Variants in DACH2 observed in about 807,000 individuals in gnomAD.
DACH2 encodes the protein dachshund family transcription factor 2.
DACH2 carries 17 observed loss-of-function variants against 35.8 expected under a neutral mutation model. That is an observed-to-expected ratio of 0.48 (90% CI 0.33 to 0.71). The LOEUF (loss-of-function observed/expected upper bound fraction) is 0.71, where lower values mean the gene tolerates loss of function less well. DACH2 is among the 30% of genes least tolerant of loss of function. The pLI is 0.02. For synonymous variants in DACH2, 195 were observed against 177.3 expected (o/e 1.10, Z -0.79); for missense variants, 469 against 472.7 (o/e 0.99, Z 0.07).
intron 6 of DACH2, among the ~76,000 whole-genome samples, chrX:86,733,861 T>G (rs1035725552): frequency 3.6e-5 from 4 of 111,220 alleles, no homozygotes; most frequent in Admixed American, 1.9e-4. Flanking sequence ...ACAGAGGTTT[T>G]TGTGTGATAA....
chrX:86,487,271 A>G (rs1424783789), intron 2 of DACH2, among the ~76,000 whole-genome samples: 1 of 111,780 alleles, frequency 8.9e-6, no homozygotes, highest in African/African-American at 3.3e-5. Flanking sequence ...GGTTGTAGTC[A>G]TTTCAACGCT....
Position 86,421,865 on chromosome X carries a change from G to T in DACH2, c.527+45003G>T, listed in dbSNP as rs182066072. 4.0e-3 allele frequency among the ~76,000 whole-genome samples: 443 copies of T among 110,682 alleles called. 3 individuals carry two copies. The highest frequency in any genetic ancestry group is 0.014 in the African/African-American group (419 of 30,611). On this transcript the variant is annotated intron_variant, in intron 2 of 11. Coordinates refer to ENST00000373125, the MANE Select transcript of DACH2 (RefSeq NM_053281.3). ...ACCATTTGTATTGGCAACAAGACCT[G>T]CTTAGTCATACAGGATAACATTTAT...
chrX:86,832,094 T>A lies in DACH2; in HGVS notation c.1751-12T>A. 5.5e-6 allele frequency: 6 copies of A among 1,084,590 alleles called. No individual in the cohort carries two copies. Among genetic ancestry groups the A allele is most frequent in the Non-Finnish European group, 7.5e-6 (6 of 796,322 alleles). The allele number at this position is 1,084,590 out of a possible 1,213,427, so 89.4% of individuals were successfully genotyped here. ...TCTTCATAAGAACTAACTTGTTTTCTTTTTTTTTAAGGAGGTAACTATTAC... is the reference window on the plus strand; with the variant it reads ...TCTTCATAAGAACTAACTTGTTTTCATTTTTTTTAAGGAGGTAACTATTAC... On this transcript the variant is annotated splice_polypyrimidine_tract_variant and intron_variant, in intron 11 of 11. Transcript: ENST00000373125.
At chrX:86,692,362 C>T (rs1261084569) in intron 4 of DACH2, among the ~76,000 whole-genome samples, 4 of 110,839 alleles carry the variant, frequency 3.6e-5, no homozygotes, top group African/African-American at 6.6e-5. Context: ...TACCCCTCCC[C>T]CCTCCACCCG....
At chrX:86,325,936 T>G (rs2035105938) in intron 1 of DACH2, among the ~76,000 whole-genome samples, 1 of 111,407 alleles carries the variant, frequency 9.0e-6, no homozygotes, top group Non-Finnish European at 1.9e-5. Flanking sequence ...CTCAGGATTT[T>G]TTTTTTTATT....
chrX:86,320,863 G>T (rs1021526430), intron 1 of DACH2, among the ~76,000 whole-genome samples: 4 of 112,208 alleles, frequency 3.6e-5, no homozygotes, highest in African/African-American at 6.5e-5. Flanking sequence ...GCTTTAGCTG[G>T]TTAAAGGCTT....
At chrX:86,194,609 C>T (rs1219435898) in intron 1 of DACH2, among the ~76,000 whole-genome samples, 3 of 112,529 alleles carry the variant, frequency 2.7e-5, no homozygotes, top group Non-Finnish European at 3.8e-5. Flanking sequence ...CTGCTCTTGC[C>T]ATGGACCTCT....
chrX:86,247,971 G>T (rs187058161), intron 1 of DACH2, among the ~76,000 whole-genome samples: 4 of 110,539 alleles, frequency 3.6e-5, no homozygotes, highest in African/African-American at 9.8e-5. Flanking sequence ...TGCAGAAAAG[G>T]TTTTCAATAA....
intron 6 of DACH2, among the ~76,000 whole-genome samples, chrX:86,721,216 TA>T (rs1371592264): frequency 8.9e-6 from 1 of 112,465 alleles, no homozygotes; most frequent in Non-Finnish European, 1.9e-5. Context: ...TATGCAAGTT[TA>T]TGCAGCTGGC....
chrX:86,600,995 T>A (rs2148358574), intron 3 of DACH2, among the ~76,000 whole-genome samples: 1 of 111,492 alleles, frequency 9.0e-6, no homozygotes, highest in African/African-American at 3.3e-5. Flanking sequence ...GTTTCTACGC[T>A]AGAGATTACA....
At chrX:86,409,001 T>G (rs1419544903) in intron 2 of DACH2, among the ~76,000 whole-genome samples, 1 of 111,662 alleles carries the variant, frequency 9.0e-6, no homozygotes, top group Non-Finnish European at 1.9e-5. Flanking sequence ...TTACCACAGG[T>G]CCTTCAAGAG....
At chrX:86,744,936 A>G (rs760440502) in intron 7 of DACH2, among the ~76,000 whole-genome samples, 63 of 111,144 alleles carry the variant, frequency 5.7e-4, no homozygotes, top group African/African-American at 1.9e-3. Context: ...AAACAAAGGC[A>G]CAGAGTAAAA....
chrX:86,445,347 G>C (rs2037243912), intron 2 of DACH2, among the ~76,000 whole-genome samples: 1 of 71,032 alleles, frequency 1.4e-5, no homozygotes, highest in Admixed American at 1.6e-4. Context: ...ATCACACTCT[G>C]GGGACTGTGG....
chrX:86,478,568 A>T (rs1255142090), intron 2 of DACH2, among the ~76,000 whole-genome samples: 3 of 74,921 alleles, frequency 4.0e-5, no homozygotes, highest in Admixed American at 1.7e-4. Flanking sequence ...TTATGTCACT[A>T]TCTCCCATTC....
chrX:86,297,511 A>C (rs1329195552), intron 1 of DACH2, among the ~76,000 whole-genome samples: 1 of 111,671 alleles, frequency 9.0e-6, no homozygotes, highest in African/African-American at 3.3e-5. Flanking sequence ...TCCAAATGAA[A>C]TCTCTTCCTG....
intron 1 of DACH2, among the ~76,000 whole-genome samples, chrX:86,349,821 G>A (rs967914042): frequency 2.7e-5 from 3 of 110,505 alleles, no homozygotes; most frequent in Non-Finnish European, 5.7e-5. Flanking sequence ...TGCATCTAAT[G>A]CCTCACAATC....
chrX:86,484,562 G>A (rs976727525), intron 2 of DACH2, among the ~76,000 whole-genome samples: 1 of 112,104 alleles, frequency 8.9e-6, no homozygotes, highest in Non-Finnish European at 1.9e-5. Flanking sequence ...CTTCAAAGGC[G>A]CTCTGACTTA....
At chrX:86,380,348 G>T (rs1321696705) in intron 2 of DACH2, among the ~76,000 whole-genome samples, 2 of 110,213 alleles carry the variant, frequency 1.8e-5, no homozygotes, top group Non-Finnish European at 3.8e-5. Flanking sequence ...AAGCTCATAT[G>T]CTTTGGGCCA....
In DACH2 at chrX:86,634,813, C is replaced by A. The variant is rs538684476; in HGVS notation, c.641-16223C>A. ...GGACAAAAACAAATGAAAATATATACCATGCTCATGAATTAGAAGAATTAA... is the reference window on the plus strand; with the variant it reads ...GGACAAAAACAAATGAAAATATATAACATGCTCATGAATTAGAAGAATTAA... On this transcript the variant is annotated intron_variant, in intron 3 of 11. Coordinates refer to ENST00000373125, the MANE Select transcript of DACH2 (RefSeq NM_053281.3). Among the ~76,000 whole-genome samples the A allele has an allele frequency of 2.7e-5, 3 of 111,759 alleles. No individual in the cohort carries two copies. The South Asian group carries it at 1.1e-3, about 41-fold the overall frequency.
Sources: allele counts gnomAD v4.1 joint callset (sites outside exome capture counted in the v4.1 genomes callset), GRCh38; gene constraint gnomAD v4.1.1; transcripts MANE v1.5; gene names NCBI Gene and HGNC (gene_info 2026-07-23, HGNC 2026-07-21).